BSN: variants seen among roughly 807,000 people sequenced by gnomAD.
BSN encodes the protein bassoon presynaptic cytomatrix protein, also known as protein bassoon.
BSN carries 57 observed loss-of-function variants against 264.8 expected under a neutral mutation model. That is an observed-to-expected ratio of 0.22 (90% confidence interval 0.17 to 0.27). BSN has a LOEUF of 0.27. BSN is among the 10% of genes least tolerant of loss of function. The probability of loss-of-function intolerance (pLI) is 1.00; values close to 1 mark genes in which losing one functional copy is unlikely to be tolerated. For synonymous variants in BSN, 2,059 were observed against 2,137.3 expected, an observed-to-expected ratio of 0.96 and a Z score of 1.01; for missense variants, 4,615 against 5,232.5, an observed-to-expected ratio of 0.88 and a Z score of 3.64.
At chr3:49,584,178 C>T (rs942816503) in intron 1 of BSN, among the ~76,000 whole-genome samples, 1 of 152,150 alleles carries the variant, frequency 6.6e-6, no homozygotes, top group Non-Finnish European at 1.5e-5. Context: ...AGCCACCACG[C>T]CCGGCCAATC....
chr3:49,608,549 G>C (rs1178427776), intron 1 of BSN, among the ~76,000 whole-genome samples: 1 of 152,172 alleles, frequency 6.6e-6, no homozygotes, highest in Admixed American at 6.5e-5. Flanking sequence ...TTGCATTCAG[G>C]CTTGGCGTGG....
rs144229405 is a variant in BSN at position 49,663,442 on chromosome 3, C to A, written c.11284C>A (p.Pro3762Thr). 6.2e-4 allele frequency: 998 copies of A among 1,613,054 alleles called. 7 individuals are homozygous for A. In the South Asian group the frequency reaches 6.7e-3, roughly 11 times the overall value. Residue 3762 changes from proline (P) to threonine (T), a missense_variant, in exon 7 of 12, where the codon CCA becomes ACA. Pro to Thr is a conservative substitution (Grantham distance 38). This residue lies in a region of BSN where 3,415 missense variants were observed against 3,866.4 expected (regional missense o/e 0.88). Coordinates refer to ENST00000296452, the MANE Select transcript of BSN (RefSeq NM_003458.4). ...TCCAGGACCACAGCAGTCACAGTCA[C>A]CATCATCCAGGCAAATACCCTCTGG... ...AAPGPQQSQSPSSRQIPSGAA... is the reference protein window; with the variant it reads ...AAPGPQQSQSTSSRQIPSGAA...
rs767531788 is a variant in BSN, at chr3:49,624,928, G to C, written c.225-47G>C. On this transcript the variant is annotated intron_variant, in intron 1 of 11. Transcript: ENST00000296452. ...AGCTTGGTAGAGACCTCCGCAAGCT[G>C]CTTCTCTAAGCTGTATCTCTAACAG... 12 of 1,469,150 alleles carry C rather than the reference G, an allele frequency of 8.2e-6. No individual in the cohort carries two copies. The South Asian group carries it at 1.8e-4, about 22-fold the overall frequency. 91.0% of individuals were successfully genotyped at this position (1,469,150 alleles called of 1,614,324 possible).
At position 49,650,922 on chromosome 3, in the gene BSN, C is replaced by T. The variant is rs778833948; in HGVS notation, c.1829C>T (p.Thr610Ile). The T allele has an allele frequency of 1.2e-6, 2 of 1,614,192 alleles. No individual in the cohort carries two copies. The highest frequency in any genetic ancestry group is 2.2e-5 in the East Asian group (1 of 44,890). Reference sequence around the variant, plus strand: ...CCAAGCAGTGTCCAGGAAAAGAAGACCCGAGTCCCCACTAAAGCTGAGCCC... The same window carrying T: ...CCAAGCAGTGTCCAGGAAAAGAAGATCCGAGTCCCCACTAAAGCTGAGCCC... ...KTPSSVQEKKTRVPTKAEPMP... is the reference protein window; with the variant it reads ...KTPSSVQEKKIRVPTKAEPMP... Residue 610 changes from threonine to isoleucine, a missense_variant, in exon 4 of 12, where the codon ACC (threonine) becomes ATC (isoleucine). By Grantham distance (89) the Thr-to-Ile change is moderately conservative. Around this residue, in one of 3 missense-constraint regions of BSN, gnomAD observed 1,197 missense variants for 1,348.0 expected, o/e 0.89. Transcript: ENST00000296452.
chr3:49,618,857 G>A (rs2052281326), intron 1 of BSN, among the ~76,000 whole-genome samples: 1 of 152,194 alleles, frequency 6.6e-6, no homozygotes, highest in African/African-American at 2.4e-5. Flanking sequence ...CTCTACTCTA[G>A]ACCAGAGGCT....
chr3:49,605,896 ATG>A (rs1491231666), intron 1 of BSN, among the ~76,000 whole-genome samples: 1 of 30,306 alleles, frequency 3.3e-5, no homozygotes, highest in Non-Finnish European at 5.7e-5. Flanking sequence ...AAATATATTT[ATG>A]TCTATATAAA....
At position 49,662,894 on chromosome 3, in the gene BSN, A is replaced by C; in HGVS notation, c.10736A>C (p.Glu3579Ala). 1 of 1,585,506 alleles carries C rather than the reference A, an allele frequency of 6.3e-7. No individual in the cohort carries two copies. The highest frequency in any genetic ancestry group is 8.6e-7 in the Non-Finnish European group (1 of 1,165,082). The change falls in exon 7 of 12, where the codon GAG (glutamate) becomes GCG (alanine). Residue 3579 changes from glutamate (E) to alanine (A), a missense_variant. Glu to Ala is a moderately radical substitution (Grantham distance 107). Transcript: ENST00000296452. Reference protein sequence around the residue: ...SDSEAYHLGQEETDWFDKPRD... With the variant: ...SDSEAYHLGQAETDWFDKPRD... Reference sequence around the variant, plus strand: ...TCTGAAGCGTATCACCTGGGCCAGGAGGAGACGGACTGGTTTGATAAGCCC... The same window carrying C: ...TCTGAAGCGTATCACCTGGGCCAGGCGGAGACGGACTGGTTTGATAAGCCC...
chr3:49,562,870 G>C (rs958820106), intron 1 of BSN, among the ~76,000 whole-genome samples: 1 of 152,112 alleles, frequency 6.6e-6, no homozygotes, highest in African/African-American at 2.4e-5. Context: ...AGAAATTCAG[G>C]TTTTAATCAA....
At chr3:49,580,362 GTTTTA>G (rs1416812245) in intron 1 of BSN, among the ~76,000 whole-genome samples, 1 of 152,178 alleles carries the variant, frequency 6.6e-6, no homozygotes, top group Admixed American at 6.5e-5. Context: ...TCTTAAGACA[GTTTTA>G]TTGAGATATA....
chr3:49,558,121 G>C (rs1031152611), intron 1 of BSN, among the ~76,000 whole-genome samples: 1 of 152,218 alleles, frequency 6.6e-6, no homozygotes, highest in Non-Finnish European at 1.5e-5. Context: ...AGTGCTTACA[G>C]GGTTGTTAAT....
intron 2 of BSN, among the ~76,000 whole-genome samples, chr3:49,628,156 G>C (rs916075446): frequency 6.6e-6 from 1 of 152,228 alleles, no homozygotes; most frequent in African/African-American, 2.4e-5. Context: ...TTGGAACTTT[G>C]AAATGTGACC....
Position 49,656,206 on chromosome 3 carries a change from G to T in BSN, c.6650G>T (p.Arg2217Leu), listed in dbSNP as rs1044414578. 3.1e-6 allele frequency: 5 copies of T among 1,610,772 alleles called. No homozygotes were observed. In the African/African-American group the frequency reaches 5.3e-5, roughly 17 times the overall value. Residue 2217 changes from arginine (R) to leucine (L), a missense_variant, in exon 5 of 12, where the codon CGG (arginine) becomes CTG (leucine). Coordinates refer to ENST00000296452, the MANE Select transcript of BSN (RefSeq NM_003458.4). ...ACCACCCAGCCTGCCTCAGTCCTGC[G>T]GCCCATGGTGCGTGGTGGCATGTAC... ...PITTQPASVL[R>L]PMVRGGMYRP...
chr3:49,561,358 C>A (rs2051710662), intron 1 of BSN, among the ~76,000 whole-genome samples: 1 of 152,134 alleles, frequency 6.6e-6, no homozygotes, highest in Non-Finnish European at 1.5e-5. Context: ...ACCCCTGTAT[C>A]CAGAGGAGCC....
At chr3:49,588,046 C>T (rs1559598838) in intron 1 of BSN, among the ~76,000 whole-genome samples, 1 of 151,840 alleles carries the variant, frequency 6.6e-6, no homozygotes, top group Admixed American at 6.6e-5. Flanking sequence ...CTCAGCCTCC[C>T]AAGTAGCTGG....
In BSN at chr3:49,660,829, G is replaced by T; in HGVS notation, c.8984G>T (p.Gly2995Val). The change falls in exon 6 of 12, where the codon GGT becomes GTT. Residue 2995 changes from glycine (G) to valine (V), a missense_variant. Around this residue, in one of 3 missense-constraint regions of BSN, gnomAD observed 3,415 missense variants for 3,866.4 expected, o/e 0.88. Transcript: ENST00000296452. This position sits in a 1 kb window ranked among gnomAD's most constrained non-coding sequence, Gnocchi z 7.1. ...AAAGAGTCTTTGGCCAAAGACCGGG[G>T]TGGCCGTGACTACCCACCCTTGCGT... ...QRKESLAKDR[G>V]GRDYPPLRGL... 6.2e-7 allele frequency: 1 copy of T among 1,612,926 alleles called. No individual in the cohort carries two copies. The highest frequency in any genetic ancestry group is 8.5e-7 in the Non-Finnish European group (1 of 1,180,020).
intron 1 of BSN, among the ~76,000 whole-genome samples, chr3:49,592,690 G>T (rs1228970659): frequency 6.6e-6 from 1 of 151,168 alleles, no homozygotes; most frequent in East Asian, 2.0e-4. Context: ...GGCGGAGCTT[G>T]CAGTGAGCCG....
intron 9 of BSN, 64 bp downstream of exon 9, chr3:49,664,618 A>T (rs757602773): frequency 1.3e-6 from 2 of 1,549,538 alleles, no homozygotes; most frequent in Non-Finnish European, 1.7e-6. Context: ...GGTCTGTGAG[A>T]TGATTCCAGA....
At chr3:49,620,314 A>G (rs2052294990) in intron 1 of BSN, among the ~76,000 whole-genome samples, 1 of 152,066 alleles carries the variant, frequency 6.6e-6, no homozygotes, top group Non-Finnish European at 1.5e-5. Flanking sequence ...AGTCCCAGCT[A>G]CTTGGGAGGC....
At chr3:49,572,144 T>C in intron 1 of BSN, among the ~76,000 whole-genome samples, 1 of 152,180 alleles carries the variant, frequency 6.6e-6, no homozygotes, top group Admixed American at 6.5e-5. Context: ...CCATTGGACT[T>C]GTAGGAGCTC....
Sources: allele counts gnomAD v4.1 joint callset (sites outside exome capture counted in the v4.1 genomes callset), GRCh38; gene constraint gnomAD v4.1.1; regional missense constraint gnomAD v4.1.1; non-coding constraint Gnocchi (gnomAD v3.1); transcripts MANE v1.5; gene names NCBI Gene and HGNC (gene_info 2026-07-23, HGNC 2026-07-21).